The following MCM10 variants were observed in gnomAD, a reference collection of about 807,000 sequenced individuals.
The protein encoded by MCM10 is protein MCM10 homolog.
MCM10 carries 91 observed loss-of-function variants against 109.9 expected under a neutral mutation model. The observed-to-expected ratio is 0.83, with a 90% CI of 0.70 to 0.99. MCM10 has a LOEUF of 0.99. Among genes scored for constraint, MCM10 ranks in the 50% least tolerant of loss-of-function variants. The pLI is 0.00. For synonymous variants in MCM10, 380 were observed against 387.2 expected (o/e 0.98, Z 0.22); for missense variants, 1,077 against 1,061.2 (o/e 1.01, Z -0.21).
chr10:13,179,815 A>T (rs917638497), intron 6 of MCM10, among the ~76,000 whole-genome samples: 5 of 152,226 alleles, frequency 3.3e-5, no homozygotes, highest in Non-Finnish European at 7.3e-5. Flanking sequence ...ATATTAATTC[A>T]TGGTTTTGTA....
chr10:13,185,419 C>T (rs749298331), intron 8 of MCM10, among the ~76,000 whole-genome samples: 1 of 152,184 alleles, frequency 6.6e-6, no homozygotes, highest in Non-Finnish European at 1.5e-5. Context: ...AGGGACTTGT[C>T]TCCCTCCAGT....
intron 18 of MCM10, among the ~76,000 whole-genome samples, chr10:13,206,651 G>T (rs759959497): frequency 6.6e-6 from 1 of 152,058 alleles, no homozygotes; most frequent in African/African-American, 2.4e-5. Context: ...TGTCATTATA[G>T]CAAGAGCTTA....
chr10:13,185,601 T>C (rs79987214), intron 8 of MCM10, among the ~76,000 whole-genome samples: 7,800 of 152,266 alleles, frequency 0.051, 264 homozygotes, highest in Admixed American at 0.086. Context: ...GAACAGGATC[T>C]ATGACCTGAG....
At chr10:13,165,081 C>T (rs981075662) in intron 2 of MCM10, among the ~76,000 whole-genome samples, 2 of 152,072 alleles carry the variant, frequency 1.3e-5, no homozygotes, top group African/African-American at 2.4e-5. Flanking sequence ...GATGTGTTTC[C>T]ACACTCCCAG....
At chr10:13,167,351 A>G (rs1022993676) in intron 2 of MCM10, among the ~76,000 whole-genome samples, 1 of 152,116 alleles carries the variant, frequency 6.6e-6, no homozygotes, top group African/African-American at 2.4e-5. Context: ...GAAGCTGAAG[A>G]GCTGCTGGAT....
chr10:13,198,999 G>A (rs189769446), intron 16 of MCM10, among the ~76,000 whole-genome samples, 192 bp downstream of exon 16: 1 of 152,140 alleles, frequency 6.6e-6, no homozygotes, highest in Non-Finnish European at 1.5e-5. Context: ...AGGTTCAAGC[G>A]ATTCTCCTGC....
rs1331015699 is a variant in MCM10, at chr10:13,183,075, T to C, written c.1073T>C (p.Met358Thr). 8 of 1,613,954 alleles carry C rather than the reference T, an allele frequency of 5.0e-6. No homozygotes were observed. The highest frequency in any genetic ancestry group is 2.2e-5 in the South Asian group (2 of 91,070). The change falls in exon 8 of 20, where the codon ATG (methionine) becomes ACG (threonine). Residue 358 changes from methionine to threonine, a missense_variant. Coordinates refer to ENST00000378714, the MANE Select transcript of MCM10 (RefSeq NM_018518.5). ...GTAGGGATCCTCAATGCCAACCCCA[T>C]GAAGCCCAAGGATGGTTCAGAGGAG... is the stretch of plus-strand genomic sequence containing the variant. ...TVVGILNANP[M>T]KPKDGSEEVC...
intron 17 of MCM10, among the ~76,000 whole-genome samples, chr10:13,203,020 T>C (rs970366214): frequency 3.9e-5 from 6 of 152,000 alleles, no homozygotes; most frequent in Non-Finnish European, 7.4e-5. Flanking sequence ...AATTTTTGTA[T>C]TTTTAATAGA....
intron 6 of MCM10, 94 bp from the exon 7 acceptor site, chr10:13,180,348 G>T: frequency 9.3e-7 from 1 of 1,077,254 alleles, no homozygotes; most frequent in Non-Finnish European, 1.3e-6. Context: ...TACTGTAGAG[G>T]TTTCTGACCA....
chr10:13,181,286 G>T (rs1046941441), intron 7 of MCM10, among the ~76,000 whole-genome samples: 1 of 152,106 alleles, frequency 6.6e-6, no homozygotes, highest in Non-Finnish European at 1.5e-5. Context: ...AAAATGCTAT[G>T]ATTGATCATG....
At chr10:13,183,654 G>A (rs933372193) in intron 8 of MCM10, among the ~76,000 whole-genome samples, 1 of 151,604 alleles carries the variant, frequency 6.6e-6, no homozygotes, top group Non-Finnish European at 1.5e-5. Context: ...TGGAGTTTTT[G>A]AACTATTGTA....
Position 13,191,336 on chromosome 10 carries a change from ACT to A in MCM10, c.1456_1457del (p.Leu486GlufsTer2), listed in dbSNP as rs777499218. The A allele has an allele frequency of 1.5e-5, 25 of 1,613,956 alleles. No homozygotes were observed. The highest frequency in any genetic ancestry group is 7.6e-6 in the Non-Finnish European group (9 of 1,180,006). Reference sequence around the variant, plus strand: ...GGCTCCTAAGAAGAAGATTCAAACCACTCTGAGTAATCTGGTTGTTAAGGGCA... The same window carrying A: ...GGCTCCTAAGAAGAAGATTCAAACCACTGAGTAATCTGGTTGTTAAGGGCA... ...AVAPKKKIQT[T>X]LSNLVVKGTN... On this transcript the variant is annotated frameshift_variant, in exon 11 of 20. Coordinates refer to ENST00000378714, the MANE Select transcript of MCM10 (RefSeq NM_018518.5). LOFTEE classifies it high-confidence loss of function.
chr10:13,162,984 C>T (rs1322750847), intron 1 of MCM10, among the ~76,000 whole-genome samples: 1 of 151,666 alleles, frequency 6.6e-6, no homozygotes, highest in Non-Finnish European at 1.5e-5. Flanking sequence ...GAGGCTGAGG[C>T]AGGAGAATGG....
Position 13,189,012 on chromosome 10 carries a change from C to T in MCM10, c.1347C>T (p.Leu449=). The change falls in exon 10 of 20, where the codon CTC becomes CTT. Residue 449 remains leucine, a synonymous_variant. Transcript: ENST00000378714. ...AGTTTGCCCGCAGAGGCACCAGCCT[C>T]AAAGAACGGCTGTGCCAAGATGGCT... ...PKKFARRGTS[L]KERLCQDGFY... The T allele has an allele frequency of 6.2e-7, 1 of 1,614,240 alleles. No individual in the cohort carries two copies. The highest frequency in any genetic ancestry group is 8.5e-7 in the Non-Finnish European group (1 of 1,180,036).
chr10:13,189,797 G>C (rs775638118), intron 10 of MCM10, among the ~76,000 whole-genome samples: 1 of 152,196 alleles, frequency 6.6e-6, no homozygotes, highest in Non-Finnish European at 1.5e-5. Context: ...CTTCACATGG[G>C]GAGTGGGGCG....
At chr10:13,183,199 T>A in intron 8 of MCM10, 99 bp downstream of exon 8, 1 of 1,360,392 alleles carries the variant, frequency 7.4e-7, no homozygotes, top group Non-Finnish European at 1.0e-6. Context: ...CTCACACCTG[T>A]AATCCTAACA....
rs968055553 is a variant in MCM10, at chr10:13,209,312, C to A, written c.*2C>A. Reference sequence around the variant, plus strand: ...AAATTTCTGAACAGCCTTAAATAACCCGAACTTCAGACATTTTCCCACAGA... The same window carrying A: ...AAATTTCTGAACAGCCTTAAATAACACGAACTTCAGACATTTTCCCACAGA... On this transcript the variant is annotated 3_prime_UTR_variant, in exon 20 of 20. Coordinates refer to ENST00000378714, the MANE Select transcript of MCM10 (RefSeq NM_018518.5). 56 of 1,611,908 alleles carry A rather than the reference C, an allele frequency of 3.5e-5. No individual in the cohort carries two copies. Among genetic ancestry groups the A allele is most frequent in the Non-Finnish European group, 4.6e-5 (54 of 1,178,800 alleles).
chr10:13,178,639 T>C (rs191397462), intron 6 of MCM10, among the ~76,000 whole-genome samples: 71 of 152,318 alleles, frequency 4.7e-4, no homozygotes, highest in Non-Finnish European at 7.2e-4. Context: ...AGTCAGGTAA[T>C]CTGATTCCTC....
At chr10:13,189,575 G>C (rs534151385) in intron 10 of MCM10, among the ~76,000 whole-genome samples, 1 of 152,102 alleles carries the variant, frequency 6.6e-6, no homozygotes, top group Non-Finnish European at 1.5e-5. Context: ...TGCCTGCCTC[G>C]GCCTCCCAAA....
Sources: allele counts gnomAD v4.1 joint callset (sites outside exome capture counted in the v4.1 genomes callset), GRCh38; gene constraint gnomAD v4.1.1; transcripts MANE v1.5; gene names NCBI Gene and HGNC (gene_info 2026-07-23, HGNC 2026-07-21).